Variants in CRB1 observed in about 807,000 individuals in gnomAD.
CRB1 encodes the protein protein crumbs homolog 1.
A neutral mutation model predicts 120.0 loss-of-function variants in CRB1; 83 were observed. The ratio of observed to expected loss-of-function variants is 0.69; its 90% CI spans 0.58 to 0.83. The LOEUF (loss-of-function observed/expected upper bound fraction) is 0.83, where lower values mean the gene tolerates loss of function less well. Among genes scored for constraint, CRB1 ranks in the 40% least tolerant of loss-of-function variants. The pLI, the probability that CRB1 is intolerant of heterozygous loss-of-function variation, is 0.00. For synonymous variants in CRB1, 625 were observed against 612.5 expected (o/e 1.02, Z -0.30); for missense variants, 1,699 against 1,687.6 (o/e 1.01, Z -0.12).
At position 197,477,732 on chromosome 1, in the gene CRB1, C is replaced by T. The variant is rs753097155; in HGVS notation, c.4074C>T (p.Ile1358=). 11 of 1,613,918 alleles carry T rather than the reference C, an allele frequency of 6.8e-6. No homozygotes were observed. Among genetic ancestry groups the T allele is most frequent in the Non-Finnish European group, 7.6e-6 (9 of 1,179,896 alleles). ...CAGTGACTGTCGCCTTGTTACTGAT[C>T]CTCTTGCTGGCCATTGTTGCTTCTG... ...IGSVTVALLL[I]LLLAIVASVV... The change falls in exon 12 of 12, where the codon ATC becomes ATT. Residue 1358 remains isoleucine (I), a synonymous_variant. Transcript: ENST00000367400.
chr1:197,394,634 A>G (rs1224694991), intron 5 of CRB1, among the ~76,000 whole-genome samples: 1 of 151,992 alleles, frequency 6.6e-6, no homozygotes, highest in African/African-American at 2.4e-5. Flanking sequence ...TAAATTATAT[A>G]ATTTTAATTT....
At chr1:197,211,847 C>T in the CRB1 span, among the ~76,000 whole-genome samples, 1 of 151,116 alleles carries the variant, frequency 6.6e-6, no homozygotes, top group Non-Finnish European at 1.5e-5. Context: ...AATAAAAAAG[C>T]AGGCCACACA....
the CRB1 span, among the ~76,000 whole-genome samples, chr1:197,203,942 C>T: frequency 6.6e-6 from 1 of 152,040 alleles, no homozygotes; most frequent in Admixed American, 6.5e-5. Context: ...TTATCCCTCA[C>T]CCCCCTCCCA....
At chr1:197,247,594 A>G in the CRB1 span, among the ~76,000 whole-genome samples, 2 of 152,056 alleles carry the variant, frequency 1.3e-5, no homozygotes, top group African/African-American at 4.8e-5. Context: ...TTGCACTGAC[A>G]AGGTCTGACC....
intron 1 of CRB1, among the ~76,000 whole-genome samples, chr1:197,283,179 T>C (rs181054138): frequency 2.6e-5 from 4 of 151,964 alleles, no homozygotes; most frequent in Admixed American, 2.0e-4. Context: ...CAATTTGTGG[T>C]GTAAAAAATA....
intron 5 of CRB1, among the ~76,000 whole-genome samples, chr1:197,405,366 G>A (rs1285390685): frequency 1.3e-5 from 2 of 151,926 alleles, no homozygotes; most frequent in African/African-American, 4.8e-5. Flanking sequence ...ATGGAGTCTG[G>A]TTCACTCAGT....
intron 4 of CRB1, among the ~76,000 whole-genome samples, chr1:197,354,020 TAA>T (rs869086277): frequency 1.3e-4 from 15 of 116,220 alleles, no homozygotes; most frequent in Admixed American, 1.7e-4. Flanking sequence ...TATGAAATGG[TAA>T]AAAAAAAAAA....
At chr1:197,298,432 G>C (rs1355627472) in intron 1 of CRB1, among the ~76,000 whole-genome samples, 1 of 152,116 alleles carries the variant, frequency 6.6e-6, no homozygotes, top group Non-Finnish European at 1.5e-5. Flanking sequence ...AAAAAGTGGG[G>C]TAAGAGGATT....
intron 5 of CRB1, among the ~76,000 whole-genome samples, chr1:197,382,399 T>C (rs777918506): frequency 1.3e-5 from 2 of 152,148 alleles, no homozygotes; most frequent in Non-Finnish European, 1.5e-5. Flanking sequence ...AAACTAGTGA[T>C]GAAGGAATAG....
In CRB1 at chr1:197,476,303, C is replaced by G. The variant is rs762586508; in HGVS notation, c.4006-1361C>G. Among the ~76,000 whole-genome samples, 48 of 151,908 alleles carry G rather than the reference C, an allele frequency of 3.2e-4. No homozygotes were observed. The Middle Eastern group carries it at 0.014, about 43-fold the overall frequency. On this transcript the variant is annotated intron_variant, in intron 11 of 11. Transcript: ENST00000367400. ...CATTCCAATCTTGCTCCACCTACTC[C>G]TCAACACAATTAATTCATCACATGG...
chr1:197,241,113 T>A, the CRB1 span, among the ~76,000 whole-genome samples: 1 of 152,222 alleles, frequency 6.6e-6, no homozygotes, highest in East Asian at 1.9e-4. Flanking sequence ...CTTTGTCAGA[T>A]GGATAGATTG....
chr1:197,400,987 T>A (rs1449982781), intron 5 of CRB1, among the ~76,000 whole-genome samples: 1 of 152,222 alleles, frequency 6.6e-6, no homozygotes, highest in East Asian at 1.9e-4. Flanking sequence ...AACACACACA[T>A]ACATATACAC....
intron 11 of CRB1, among the ~76,000 whole-genome samples, chr1:197,452,262 C>T (rs1365648198): frequency 6.6e-6 from 1 of 152,178 alleles, no homozygotes; most frequent in Non-Finnish European, 1.5e-5. Context: ...ATGAGAGTCT[C>T]AGAGTACTCT....
intron 5 of CRB1, among the ~76,000 whole-genome samples, chr1:197,384,552 T>C (rs557873944): frequency 4.1e-4 from 62 of 152,252 alleles, no homozygotes; most frequent in African/African-American, 1.4e-3. Context: ...CTTAAATGTA[T>C]TTTCGACATC....
At chr1:197,340,488 T>C (rs1448548002) in intron 2 of CRB1, among the ~76,000 whole-genome samples, 1 of 131,316 alleles carries the variant, frequency 7.6e-6, no homozygotes, top group African/African-American at 2.5e-5. Flanking sequence ...TTGTACTTTA[T>C]AGTGATCACA....
chr1:197,220,974 T>G, the CRB1 span, among the ~76,000 whole-genome samples: 4 of 152,216 alleles, frequency 2.6e-5, no homozygotes, highest in Non-Finnish European at 4.4e-5. Flanking sequence ...CAGGTAGTTC[T>G]GTATAGCAGT....
At chr1:197,263,204 TA>T (rs905766455), upstream of CRB1, among the ~76,000 whole-genome samples, 3 of 151,732 alleles carry the variant, frequency 2.0e-5, no homozygotes, top group African/African-American at 4.8e-5. Flanking sequence ...TTTTTTGACT[TA>T]AAAAAAAATA....
At chr1:197,265,060 T>C (rs187279695), upstream of CRB1, among the ~76,000 whole-genome samples, 75 of 152,320 alleles carry the variant, frequency 4.9e-4, no homozygotes, top group East Asian at 3.9e-4. Flanking sequence ...TGAGTGTGAA[T>C]TTTCCCACTC....
chr1:197,204,505 T>C, the CRB1 span, among the ~76,000 whole-genome samples: 3 of 152,240 alleles, frequency 2.0e-5, no homozygotes, highest in Non-Finnish European at 4.4e-5. Flanking sequence ...CATTGTGCTT[T>C]TGATTTTTAT....
Sources: allele counts gnomAD v4.1 joint callset (sites outside exome capture counted in the v4.1 genomes callset), GRCh38; gene constraint gnomAD v4.1.1; transcripts MANE v1.5; gene names NCBI Gene and HGNC (gene_info 2026-07-23, HGNC 2026-07-21).